Variants in BUB1B observed in about 807,000 individuals in gnomAD.
BUB1B encodes mitotic checkpoint serine/threonine-protein kinase BUB1 beta.
A neutral mutation model predicts 137.7 loss-of-function variants in BUB1B; 86 were observed. The ratio of observed to expected loss-of-function variants is 0.62; its 90% CI spans 0.52 to 0.75. BUB1B has a LOEUF of 0.75. Among genes scored for constraint, BUB1B ranks in the 30% least tolerant of loss-of-function variants. The probability of loss-of-function intolerance (pLI) is 0.00; values close to 1 mark genes in which losing one functional copy is unlikely to be tolerated. For missense variants in BUB1B, 1,130 were observed against 1,236.9 expected (o/e 0.91, Z 1.30); for synonymous variants, 420 against 417.9 (o/e 1.00, Z -0.06).
At chr15:40,208,846 T>C in intron 16 of BUB1B, 76 bp downstream of exon 16, 1 of 1,475,162 alleles carries the variant, frequency 6.8e-7, no homozygotes, top group Non-Finnish European at 9.4e-7. Context: ...TATGTTTTTC[T>C]TTTTTTGAGA....
chr15:40,170,317 A>G (rs986088552), intron 3 of BUB1B, among the ~76,000 whole-genome samples, 196 bp downstream of exon 3: 1 of 152,202 alleles, frequency 6.6e-6, no homozygotes, highest in African/African-American at 2.4e-5. Flanking sequence ...ATGATGTACA[A>G]CTTTGAACTA....
chr15:40,218,993 C>T (rs2140912851), intron 22 of BUB1B, among the ~76,000 whole-genome samples: 1 of 152,308 alleles, frequency 6.6e-6, no homozygotes, highest in African/African-American at 2.4e-5. Flanking sequence ...CTCACTGCAA[C>T]CTCTGCCTCC....
At chr15:40,205,412 TA>T (rs1291632081) in intron 14 of BUB1B, among the ~76,000 whole-genome samples, 1 of 152,178 alleles carries the variant, frequency 6.6e-6, no homozygotes, top group Non-Finnish European at 1.5e-5. Flanking sequence ...ATACTACAGG[TA>T]AATATGTAAA....
intron 1 of BUB1B, among the ~76,000 whole-genome samples, chr15:40,164,040 T>C (rs1194324722): frequency 6.6e-6 from 1 of 152,182 alleles, no homozygotes; most frequent in African/African-American, 2.4e-5. Context: ...GAATACGTAA[T>C]GGGAATTACC....
intron 15 of BUB1B, among the ~76,000 whole-genome samples, chr15:40,207,789 C>G (rs918104768): frequency 6.6e-6 from 1 of 151,788 alleles, no homozygotes; most frequent in Non-Finnish European, 1.5e-5. Flanking sequence ...GTAATCCCAG[C>G]ACTTTGGGAG....
chr15:40,186,260 A>G (rs1395089481), intron 8 of BUB1B, among the ~76,000 whole-genome samples: 3 of 152,142 alleles, frequency 2.0e-5, no homozygotes, highest in Admixed American at 6.5e-5. Context: ...ATTGATAGTA[A>G]TGAGAAATTA....
chr15:40,208,744 A>G lies in BUB1B; in HGVS notation c.2117A>G (p.Lys706Arg). The change falls in exon 16 of 23, where the codon AAA (lysine) becomes AGA (arginine). Residue 706 changes from lysine to arginine, a missense_variant. Lys to Arg is a conservative substitution (Grantham distance 26). Coordinates refer to ENST00000287598, the MANE Select transcript of BUB1B (RefSeq NM_001211.6). Reference sequence around the variant, plus strand: ...ATCAAATGTCTTCAAATTCCTGAGAAACTAGAACTTACTAATGAGACTTCA... The same window carrying G: ...ATCAAATGTCTTCAAATTCCTGAGAGACTAGAACTTACTAATGAGACTTCA... ...SSIKCLQIPE[K>R]LELTNETSEN... is the part of the protein sequence containing the mutation. 1 of 1,613,320 alleles carries G rather than the reference A, an allele frequency of 6.2e-7. No homozygotes were observed. Among genetic ancestry groups the G allele is most frequent in the East Asian group, 2.2e-5 (1 of 44,876 alleles).
chr15:40,175,246 A>T (rs1465447188), intron 4 of BUB1B, among the ~76,000 whole-genome samples: 2 of 152,214 alleles, frequency 1.3e-5, no homozygotes, highest in Non-Finnish European at 2.9e-5. Context: ...TTAAATATCC[A>T]GAAGTAGATG....
intron 20 of BUB1B, among the ~76,000 whole-genome samples, chr15:40,215,691 C>T (rs1046554209): frequency 2.0e-5 from 3 of 152,056 alleles, no homozygotes; most frequent in Non-Finnish European, 2.9e-5. Flanking sequence ...ATGGCGTGAA[C>T]CCGGGAGGCA....
intron 12 of BUB1B, 32 bp from the exon 13 acceptor site, chr15:40,202,373 C>T (rs1335045600): frequency 5.2e-6 from 8 of 1,544,770 alleles, no homozygotes; most frequent in South Asian, 1.1e-5. Flanking sequence ...GCATTTACTC[C>T]TAGAGTATGT....
chr15:40,184,967 A>G (rs2037340765), intron 6 of BUB1B, among the ~76,000 whole-genome samples, 198 bp from the exon 7 acceptor site: 1 of 152,196 alleles, frequency 6.6e-6, no homozygotes, highest in Non-Finnish European at 1.5e-5. Flanking sequence ...AAGGCAGAAT[A>G]TAAGTAACAA....
chr15:40,207,205 G>A (rs1449594061), intron 15 of BUB1B, among the ~76,000 whole-genome samples: 1 of 152,206 alleles, frequency 6.6e-6, no homozygotes, highest in East Asian at 1.9e-4. Flanking sequence ...ATAGATATGA[G>A]GGAATGGCTT....
At chr15:40,170,179 C>T in intron 3 of BUB1B, 58 bp downstream of exon 3, 3 of 1,502,574 alleles carry the variant, frequency 2.0e-6, no homozygotes, top group Non-Finnish European at 2.8e-6. Flanking sequence ...TCCTTATGGC[C>T]ATGTTTCTCA....
intron 4 of BUB1B, 24 bp from the exon 5 acceptor site, chr15:40,176,453 T>TA: frequency 6.2e-7 from 1 of 1,612,026 alleles, no homozygotes; most frequent in Non-Finnish European, 8.5e-7. Flanking sequence ...AGAAATTGGT[T>TA]AACTGTTAAC....
rs1168537647 is a variant in BUB1B, at chr15:40,185,350, T to A, written c.937T>A (p.Trp313Arg). The A allele has an allele frequency of 6.2e-7, 1 of 1,614,176 alleles. No homozygotes were observed. The highest frequency in any genetic ancestry group is 1.1e-5 in the South Asian group (1 of 91,080). ...AGAGAATGAGCTGCAAGCAGGCCCT[T>A]GGAACACAGGCAGGTCCTTGGAACA... ...AKENELQAGP[W>R]NTGRSLEHRP... Residue 313 changes from tryptophan (W) to arginine (R), a missense_variant, in exon 7 of 23, where the codon TGG becomes AGG. Transcript: ENST00000287598.
At chr15:40,209,121 T>C (rs893890554) in intron 16 of BUB1B, among the ~76,000 whole-genome samples, 18 of 152,306 alleles carry the variant, frequency 1.2e-4, no homozygotes, top group African/African-American at 4.3e-4. Context: ...GTGTTTTTCC[T>C]TCTTAAAGAA....
chr15:40,191,820 A>G (rs748225338), intron 8 of BUB1B, among the ~76,000 whole-genome samples: 28 of 150,910 alleles, frequency 1.9e-4, no homozygotes, highest in Admixed American at 5.3e-4. Context: ...ATTCTATTCC[A>G]TTGATCTTTT....
chr15:40,206,533 A>G (rs1322866996), intron 15 of BUB1B, 75 bp downstream of exon 15: 1 of 1,585,858 alleles, frequency 6.3e-7, no homozygotes, highest in Non-Finnish European at 8.6e-7. Flanking sequence ...CAGTTACAGT[A>G]ATCAGTTATC....
intron 6 of BUB1B, 141 bp downstream of exon 6, chr15:40,184,024 C>CTAA: frequency 1.2e-6 from 1 of 866,850 alleles, no homozygotes; most frequent in Non-Finnish European, 1.8e-6. Context: ...CAAAGGAGAG[C>CTAA]TAATATTACA....
Sources: gnomAD v4.1 joint callset for allele counts (sites outside exome capture counted in the v4.1 genomes callset) on GRCh38, gnomAD v4.1.1 for gene constraint, MANE v1.5 for transcripts, NCBI Gene and HGNC (gene_info 2026-07-23, HGNC 2026-07-21) for gene names.